C1orf185: variants seen among roughly 807,000 people sequenced by gnomAD.
C1orf185 encodes chromosome 1 open reading frame 185, also known as uncharacterized protein C1orf185.
In C1orf185, 13 loss-of-function variants were observed where a neutral mutation model predicts 16.1. That is an observed-to-expected ratio of 0.81 (90% CI 0.53 to 1.28). The LOEUF is 1.28. Among genes scored for constraint, C1orf185 ranks in the 50% most tolerant of loss-of-function variants. The pLI is 0.00. For missense variants in C1orf185, 220 were observed against 225.2 expected (o/e 0.98, Z 0.15); for synonymous variants, 80 against 76.9 (o/e 1.04, Z -0.21).
In C1orf185 at chr1:51,145,775, T is replaced by C; in HGVS notation, c.295+15T>C. The C allele has an allele frequency of 7.9e-7, 1 of 1,266,418 alleles. No individual in the cohort carries two copies. The highest frequency in any genetic ancestry group is 1.1e-6 in the Non-Finnish European group (1 of 928,754). 78.4% of individuals were successfully genotyped at this position (1,266,418 alleles called of 1,614,324 possible). ...ACATATAAAAGGTATTTTTTCTCAATAATTTATTAGAAGAAATCTTAATGA... is the reference window on the plus strand; with the variant it reads ...ACATATAAAAGGTATTTTTTCTCAACAATTTATTAGAAGAAATCTTAATGA... On this transcript the variant is annotated intron_variant, in intron 4 of 4. Transcript: ENST00000371759.
At chr1:51,128,411 G>T (rs534723187) in intron 3 of C1orf185, among the ~76,000 whole-genome samples, 1 of 117,450 alleles carries the variant, frequency 8.5e-6, no homozygotes, top group South Asian at 2.3e-4. Flanking sequence ...TGGGTGTAAA[G>T]CCAGGCACAG....
intron 3 of C1orf185, among the ~76,000 whole-genome samples, chr1:51,140,805 G>C (rs533816489): frequency 9.9e-5 from 15 of 152,070 alleles, no homozygotes; most frequent in Non-Finnish European, 1.9e-4. Context: ...TAATGTATCT[G>C]ATATCTATAG....
chr1:51,146,500 T>C (rs936328420), intron 4 of C1orf185, among the ~76,000 whole-genome samples: 4 of 151,800 alleles, frequency 2.6e-5, no homozygotes, highest in African/African-American at 7.3e-5. Flanking sequence ...AATGGCCTTA[T>C]ACATAAATTT....
intron 3 of C1orf185, among the ~76,000 whole-genome samples, chr1:51,135,243 A>G (rs997628265): frequency 6.6e-6 from 1 of 152,188 alleles, no homozygotes; most frequent in Non-Finnish European, 1.5e-5. Context: ...ACTAAAGACA[A>G]AAACCACATG....
In C1orf185 at chr1:51,124,004, T is replaced by C. The variant is rs747019400; in HGVS notation, c.258+5203T>C. On this transcript the variant is annotated intron_variant, in intron 3 of 4. Coordinates refer to ENST00000371759, the MANE Select transcript of C1orf185 (RefSeq NM_001136508.2). ...TATAGAGAGAGAGAGCGAGCAATAATCCTTTATCAGATATGTACTTTGCAA... is the reference window on the plus strand; with the variant it reads ...TATAGAGAGAGAGAGCGAGCAATAACCCTTTATCAGATATGTACTTTGCAA... Among the ~76,000 whole-genome samples the C allele has an allele frequency of 2.0e-5, 3 of 151,002 alleles. No individual in the cohort carries two copies. The South Asian group carries it at 6.3e-4, about 32-fold the overall frequency.
chr1:51,147,831 T>A lies in C1orf185; in HGVS notation c.*60T>A. The A allele has an allele frequency of 7.4e-7, 1 of 1,358,060 alleles. No individual in the cohort carries two copies. Among genetic ancestry groups the A allele is most frequent in the African/African-American group, 1.5e-5 (1 of 67,936 alleles). The allele number at this position is 1,358,060 out of a possible 1,614,324, so 84.1% of individuals were successfully genotyped here. A position where few individuals can be genotyped will look rare whatever the true frequency, so the allele number is the denominator to read the frequency against. On this transcript the variant is annotated 3_prime_UTR_variant, in exon 5 of 5. Transcript: ENST00000371759. Reference sequence around the variant, plus strand: ...TCATGAAGAAACACAGAGGTTGAAATATAAAACCTTCAACATAATACTGAA... The same window carrying A: ...TCATGAAGAAACACAGAGGTTGAAAAATAAAACCTTCAACATAATACTGAA...
chr1:51,117,431 T>C (rs536978606), intron 2 of C1orf185, among the ~76,000 whole-genome samples: 36 of 152,310 alleles, frequency 2.4e-4, no homozygotes, highest in Non-Finnish European at 2.1e-4. Flanking sequence ...TCTGTGGGTT[T>C]CGATGAATGT....
chr1:51,149,716 G>T (rs762427187), downstream of C1orf185, among the ~76,000 whole-genome samples: 97 of 151,908 alleles, frequency 6.4e-4, 1 homozygote, highest in Admixed American at 1.3e-3. Context: ...ATGTGGCTTA[G>T]GAAGGAAAAA....
chr1:51,115,618 CCAAA>C (rs1274727968), intron 2 of C1orf185, among the ~76,000 whole-genome samples: 2 of 152,098 alleles, frequency 1.3e-5, no homozygotes, highest in African/African-American at 4.8e-5. Context: ...TTAGAAACGG[CCAAA>C]CACTTTTCAG....
chr1:51,118,523 T>C (rs1557645516), intron 2 of C1orf185, 143 bp from the exon 3 acceptor site: 2 of 479,178 alleles, frequency 4.2e-6, no homozygotes, highest in African/African-American at 2.0e-5. Flanking sequence ...GTATGTAAAT[T>C]GACTTGTGCT....
intron 1 of C1orf185, among the ~76,000 whole-genome samples, chr1:51,103,410 A>ACAC (rs1646046393): frequency 1.6e-5 from 2 of 128,892 alleles, no homozygotes; most frequent in African/African-American, 3.1e-5. Context: ...TGTCTCGAAA[A>ACAC]ACACACACAC....
chr1:51,110,471 A>G (rs764300895), intron 1 of C1orf185, among the ~76,000 whole-genome samples: 22 of 152,218 alleles, frequency 1.4e-4, no homozygotes, highest in Non-Finnish European at 2.5e-4. Context: ...CTAAGATTTG[A>G]CAGGCACTAT....
intron 3 of C1orf185, among the ~76,000 whole-genome samples, chr1:51,138,615 A>G (rs1646343189): frequency 6.6e-6 from 1 of 151,880 alleles, no homozygotes; most frequent in Non-Finnish European, 1.5e-5. Context: ...GATGGTCTCA[A>G]TCTCCTGACT....
chr1:51,117,308 G>A (rs142578105), intron 2 of C1orf185, among the ~76,000 whole-genome samples: 9 of 152,222 alleles, frequency 5.9e-5, no homozygotes, highest in South Asian at 2.1e-4. Context: ...AAATGGCAAT[G>A]AGCATTATTA....
In C1orf185 at chr1:51,127,869, C is replaced by T. The variant is rs576366551; in HGVS notation, c.258+9068C>T. Among the ~76,000 whole-genome samples, 26 of 147,520 alleles carry T rather than the reference C, an allele frequency of 1.8e-4. 2 individuals are homozygous for T. The South Asian group carries it at 5.0e-3, about 28-fold the overall frequency. On this transcript the variant is annotated intron_variant, in intron 3 of 4. Coordinates refer to ENST00000371759, the MANE Select transcript of C1orf185 (RefSeq NM_001136508.2). ...CATACTTTTAGTGAACATATATTCTCATTTTTCTTTTCTTTGTTTTTTTTT... is the reference window on the plus strand; with the variant it reads ...CATACTTTTAGTGAACATATATTCTTATTTTTCTTTTCTTTGTTTTTTTTT...
At chr1:51,147,052 C>T (rs567234675) in intron 4 of C1orf185, among the ~76,000 whole-genome samples, 417 of 152,110 alleles carry the variant, frequency 2.7e-3, no homozygotes, top group Non-Finnish European at 4.8e-3. Flanking sequence ...TTAAAGATTA[C>T]TGTAGTAGTT....
At chr1:51,121,115 G>A (rs551201304) in intron 3 of C1orf185, among the ~76,000 whole-genome samples, 4 of 152,056 alleles carry the variant, frequency 2.6e-5, no homozygotes, top group South Asian at 2.1e-4. Flanking sequence ...TGGTGAGAAC[G>A]CTTAAAATCT....
intron 3 of C1orf185, among the ~76,000 whole-genome samples, chr1:51,126,648 A>G (rs1014800874): frequency 6.6e-6 from 1 of 152,200 alleles, no homozygotes; most frequent in African/African-American, 2.4e-5. Flanking sequence ...TTTATAGAAC[A>G]GTCATGAAGA....
intron 1 of C1orf185, among the ~76,000 whole-genome samples, chr1:51,111,802 G>A (rs1557643370): frequency 6.6e-6 from 1 of 152,168 alleles, no homozygotes; most frequent in Non-Finnish European, 1.5e-5. Flanking sequence ...TTACAGGCGT[G>A]AGCCACGGCG....
Sources: gnomAD v4.1 joint callset for allele counts (sites outside exome capture counted in the v4.1 genomes callset) on GRCh38, gnomAD v4.1.1 for gene constraint, MANE v1.5 for transcripts, NCBI Gene and HGNC (gene_info 2026-07-23, HGNC 2026-07-21) for gene names.